HK1: variants seen among roughly 807,000 people sequenced by gnomAD.
The protein encoded by HK1 is hexokinase 1.
HK1 carries 28 observed loss-of-function variants against 91.6 expected under a neutral mutation model. The observed-to-expected ratio is 0.31, with a 90% CI of 0.23 to 0.42. The LOEUF (loss-of-function observed/expected upper bound fraction) is 0.42, where lower values mean the gene tolerates loss of function less well. Ranked by LOEUF, HK1 falls within the 10% of genes least tolerant of loss-of-function variation. HK1 has a pLI of 1.00. For synonymous variants in HK1, 430 were observed against 468.1 expected (o/e 0.92, Z 1.05); for missense variants, 770 against 1,219.8 (o/e 0.63, Z 5.49).
chr10:69,299,731 G>A (rs910176612), intron 4 of HK1, among the ~76,000 whole-genome samples: 4 of 150,386 alleles, frequency 2.7e-5, no homozygotes, highest in Admixed American at 2.0e-4. Context: ...GCGCAATCTC[G>A]GCTCACTGCA....
intron 7 of HK1, among the ~76,000 whole-genome samples, chr10:69,375,538 G>T (rs542170446): frequency 6.6e-6 from 1 of 152,326 alleles, no homozygotes; most frequent in Admixed American, 6.5e-5. Context: ...GAACAATGAG[G>T]ACTGTGTTTT....
upstream of HK1, among the ~76,000 whole-genome samples, chr10:69,315,020 G>A (rs1463498433): frequency 3.3e-5 from 5 of 152,076 alleles, no homozygotes; most frequent in African/African-American, 9.7e-5. Context: ...CCAGGAGTTC[G>A]AGACCAGCCT....
intron 1 of HK1, among the ~76,000 whole-genome samples, chr10:69,323,113 G>T: frequency 6.6e-6 from 1 of 151,846 alleles, no homozygotes; most frequent in East Asian, 1.9e-4. Context: ...GGACGTGGTA[G>T]CATGCACCTG....
chr10:69,318,004 A>G, upstream of HK1: 1 of 966,072 alleles, frequency 1.0e-6, no homozygotes, highest in Admixed American at 6.1e-5. Context: ...CCCAAGTCCC[A>G]GTGGGCCTGG....
At chr10:69,274,919 C>A (rs967438498) in intron 1 of HK1, among the ~76,000 whole-genome samples, 3 of 152,082 alleles carry the variant, frequency 2.0e-5, no homozygotes, top group Non-Finnish European at 4.4e-5. Flanking sequence ...TCCCCCAACC[C>A]ATGCCGAGAC....
At chr10:69,304,863 C>T (rs1846035658) in intron 5 of HK1, among the ~76,000 whole-genome samples, 1 of 152,166 alleles carries the variant, frequency 6.6e-6, no homozygotes, top group East Asian at 1.9e-4. Flanking sequence ...TTCCTTGTAG[C>T]TGTAGGATTC....
intron 1 of HK1, among the ~76,000 whole-genome samples, chr10:69,325,368 T>G (rs938860946): frequency 3.9e-4 from 59 of 150,814 alleles, no homozygotes; most frequent in African/African-American, 1.4e-3. Context: ...TTCTTATTCT[T>G]TTTTTTTGAG....
chr10:69,359,533 G>A (rs749375425), intron 2 of HK1, among the ~76,000 whole-genome samples: 4 of 152,132 alleles, frequency 2.6e-5, no homozygotes, highest in Non-Finnish European at 4.4e-5. Context: ...GTTGAAATGC[G>A]GTGTGATTTT....
chr10:69,400,612 C>T lies in HK1; in HGVS notation c.2610-379C>T, dbSNP rs561014553. ...GAGGTCCCCCTGGAGCCTCAAGCTCCGATGTGGGTGTGTGTGTTATTCATG... is the reference window on the plus strand; with the variant it reads ...GAGGTCCCCCTGGAGCCTCAAGCTCTGATGTGGGTGTGTGTGTTATTCATG... On this transcript the variant is annotated intron_variant, in intron 17 of 17. Transcript: ENST00000359426. 2.0e-5 allele frequency among the ~76,000 whole-genome samples: 3 copies of T among 152,300 alleles called. No individual in the cohort carries two copies. The South Asian group carries it at 6.2e-4, about 32-fold the overall frequency.
intron 7 of HK1, among the ~76,000 whole-genome samples, chr10:69,372,858 T>G (rs959654461): frequency 1.4e-5 from 2 of 138,452 alleles, no homozygotes; most frequent in African/African-American, 2.9e-5. Context: ...TTAACCAGGG[T>G]TTTTTTTTTG....
rs1235724095 is a variant in HK1 at position 69,401,534 on chromosome 10, T to C, written c.*399T>C. On this transcript the variant is annotated 3_prime_UTR_variant, in exon 18 of 18. Coordinates refer to ENST00000359426, the MANE Select transcript of HK1 (RefSeq NM_000188.3). ...TGGGGTTCCCCCTCCCTGTGTGAAATGTATTATCACCAGCAGACACTGCCG... is the reference window on the plus strand; with the variant it reads ...TGGGGTTCCCCCTCCCTGTGTGAAACGTATTATCACCAGCAGACACTGCCG... 5.7e-6 allele frequency: 2 copies of C among 351,386 alleles called. No individual in the cohort carries two copies. The highest frequency in any genetic ancestry group is 8.1e-5 in the East Asian group (1 of 12,326). 21.8% of individuals were successfully genotyped at this position (351,386 alleles called of 1,614,324 possible). A position where few individuals can be genotyped will look rare whatever the true frequency, so the allele number is the denominator to read the frequency against.
chr10:69,380,166 C>A lies in HK1; in HGVS notation c.1265+71C>A. 7.9e-7 allele frequency: 1 copy of A among 1,259,362 alleles called. No homozygotes were observed. The highest frequency in any genetic ancestry group is 1.2e-6 in the Non-Finnish European group (1 of 863,238). 78.0% of individuals were successfully genotyped at this position (1,259,362 alleles called of 1,614,324 possible). On this transcript the variant is annotated intron_variant, in intron 9 of 17. Coordinates refer to ENST00000359426, the MANE Select transcript of HK1 (RefSeq NM_000188.3). The surrounding 1 kb of genome is among the most constrained non-coding windows in gnomAD (Gnocchi z 4.0). ...GTAGGGACCTTCTCCAGAGATCAGA[C>A]TTTTGTACCCGGTAAACGTTTTTCG...
intron 5 of HK1, among the ~76,000 whole-genome samples, chr10:69,309,693 C>T (rs867784826): frequency 1.3e-5 from 2 of 150,706 alleles, no homozygotes; most frequent in East Asian, 2.0e-4. Flanking sequence ...CCCAGCTCCT[C>T]GGGAGGCTGA....
intron 1 of HK1, among the ~76,000 whole-genome samples, chr10:69,340,920 C>T (rs1176294677): frequency 6.6e-6 from 1 of 152,110 alleles, no homozygotes; most frequent in Non-Finnish European, 1.5e-5. Flanking sequence ...CACCCTCCCT[C>T]CCCTTCGGAC....
chr10:69,307,240 C>T (rs138796345), intron 5 of HK1, among the ~76,000 whole-genome samples: 1 of 152,182 alleles, frequency 6.6e-6, no homozygotes, highest in East Asian at 1.9e-4. Flanking sequence ...CATACTCAGC[C>T]CACTCAGTGG....
intron 2 of HK1, among the ~76,000 whole-genome samples, chr10:69,283,112 G>A (rs1274152120): frequency 3.7e-5 from 3 of 81,988 alleles, no homozygotes; most frequent in African/African-American, 1.4e-4. Context: ...TGACAAGAGC[G>A]AAACTCAGTT....
chr10:69,384,384 T>C lies in HK1; in HGVS notation c.1622T>C (p.Leu541Pro). The C allele has an allele frequency of 6.2e-7, 1 of 1,614,246 alleles. No homozygotes were observed. Among genetic ancestry groups the C allele is most frequent in the Non-Finnish European group, 8.5e-7 (1 of 1,180,032 alleles). ...CTTGGAGGAACCAATTTCCGTGTGC[T>C]GCTGGTGAAAATCCGTAGTGGGAAA... The part of the protein sequence containing the change: ...LDLGGTNFRV[L>P]LVKIRSGKKR... The change falls in exon 11 of 18, where the codon CTG becomes CCG. Residue 541 changes from leucine to proline, a missense_variant. Transcript: ENST00000359426.
intron 2 of HK1, among the ~76,000 whole-genome samples, chr10:69,344,711 A>G (rs1038472733): frequency 7.9e-5 from 12 of 152,306 alleles, no homozygotes; most frequent in Admixed American, 4.6e-4. Flanking sequence ...GGCTGAGCGG[A>G]GACTGAGAAG....
At chr10:69,399,468 C>T (rs1589595854) in intron 17 of HK1, among the ~76,000 whole-genome samples, 2 of 152,086 alleles carry the variant, frequency 1.3e-5, no homozygotes, top group Non-Finnish European at 2.9e-5. Flanking sequence ...GCCCAGATCA[C>T]GCCACTGTAC....
Sources: allele counts gnomAD v4.1 joint callset (sites outside exome capture counted in the v4.1 genomes callset), GRCh38; gene constraint gnomAD v4.1.1; non-coding constraint Gnocchi (gnomAD v3.1); transcripts MANE v1.5; gene names NCBI Gene and HGNC (gene_info 2026-07-23, HGNC 2026-07-21).